The following HUS1 variants were observed in gnomAD, a reference collection of about 807,000 sequenced individuals.
HUS1 encodes checkpoint protein HUS1.
A neutral mutation model predicts 32.6 loss-of-function variants in HUS1; 31 were observed. The ratio of observed to expected loss-of-function variants is 0.95; its 90% CI spans 0.72 to 1.28. The LOEUF (loss-of-function observed/expected upper bound fraction) is 1.28. HUS1 is among the 50% of genes most tolerant of loss of function. The pLI is 0.00. For synonymous variants in HUS1, 123 were observed against 116.6 expected, an observed-to-expected ratio of 1.06 and a Z score of -0.36; for missense variants, 340 against 337.7, an observed-to-expected ratio of 1.01 and a Z score of -0.05.
chr7:47,979,384 T>C, intron 1 of HUS1, 84 bp downstream of exon 1: 1 of 1,378,096 alleles, frequency 7.3e-7, no homozygotes, highest in South Asian at 1.2e-5. Context: ...CCCATCCCCG[T>C]TCTGATCCTC....
intron 5 of HUS1, among the ~76,000 whole-genome samples, chr7:47,974,573 T>G (rs992462370): frequency 2.9e-4 from 41 of 140,290 alleles, no homozygotes; most frequent in Non-Finnish European, 5.4e-4. Context: ...AAAGGTGGCC[T>G]GGTACACTGT....
Position 47,970,220 on chromosome 7 carries a change from G to A in HUS1, c.541-902C>T, listed in dbSNP as rs192983422. Among the ~76,000 whole-genome samples the A allele has an allele frequency of 9.8e-5, 12 of 122,612 alleles. No homozygotes were observed. The East Asian group carries it at 3.0e-3, about 31-fold the overall frequency. The allele number at this position is 122,612 out of a possible 152,430, so 80.4% of individuals were successfully genotyped here. A position where few individuals can be genotyped will look rare whatever the true frequency, so the allele number is the denominator to read the frequency against. ...TGCACTCCAGCCTGGGTGAAAGAGC[G>A]AGACTCTGTCTCAAAAAAAAAAAAA... On this transcript the variant is annotated intron_variant, in intron 5 of 7. Coordinates refer to ENST00000258774, the MANE Select transcript of HUS1 (RefSeq NM_004507.4).
chr7:47,969,168 C>A, intron 6 of HUS1, 51 bp downstream of exon 6: 1 of 881,286 alleles, frequency 1.1e-6, no homozygotes. Flanking sequence ...GGTAGGTTAT[C>A]TGAAACAATT....
chr7:47,977,398 A>G (rs1406787828), intron 3 of HUS1, among the ~76,000 whole-genome samples: 2 of 152,238 alleles, frequency 1.3e-5, no homozygotes, highest in Non-Finnish European at 2.9e-5. Context: ...TCTAACAGTT[A>G]AAAGGCAAAC....
chr7:47,964,765 G>T lies in HUS1; in HGVS notation c.*591C>A, dbSNP rs1788440838. The T allele has an allele frequency of 6.6e-6, 1 of 152,388 alleles. No individual in the cohort carries two copies. Among genetic ancestry groups the T allele is most frequent in the East Asian group, 1.9e-4 (1 of 5,194 alleles). 9.4% of individuals were successfully genotyped at this position (152,388 alleles called of 1,614,324 possible). A position where few individuals can be genotyped will look rare whatever the true frequency, so the allele number is the denominator to read the frequency against. On this transcript the variant is annotated 3_prime_UTR_variant, in exon 8 of 8. Coordinates refer to ENST00000258774, the MANE Select transcript of HUS1 (RefSeq NM_004507.4). ...TGGGCCAGCTCTCTAGGCATCAAGA[G>T]GGGAGTGGACTCAGGTGGGCTTGAG...
intron 5 of HUS1, chr7:47,971,116 G>A (rs1458312497): frequency 1.8e-5 from 3 of 167,506 alleles, no homozygotes; most frequent in Admixed American, 6.2e-5. Flanking sequence ...AACAGGAAGG[G>A]GGAAAATGAG....
At position 47,965,403 on chromosome 7, in the gene HUS1, G is replaced by A. The variant is rs200372941; in HGVS notation, c.796C>T (p.Leu266Phe). Reference sequence around the variant, plus strand: ...TACTGAAGGGACACGTCTTCATGAAGCAGATCAAAATGCACCATCTTGTTA... The same window carrying A: ...TACTGAAGGGACACGTCTTCATGAAACAGATCAAAATGCACCATCTTGTTA... ...VNNKMVHFDL[L>F]HEDVSLQYFI... The change falls in exon 8 of 8, where the codon CTT becomes TTT. Residue 266 changes from leucine to phenylalanine, a missense_variant. Leu to Phe is a conservative substitution (Grantham distance 22). Coordinates refer to ENST00000258774, the MANE Select transcript of HUS1 (RefSeq NM_004507.4). 73 of 1,613,632 alleles carry A rather than the reference G, an allele frequency of 4.5e-5. No individual in the cohort carries two copies. The highest frequency in any genetic ancestry group is 5.6e-5 in the Non-Finnish European group (66 of 1,179,534).
chr7:47,973,020 TAGTG>T (rs1016606994), intron 5 of HUS1, among the ~76,000 whole-genome samples: 16 of 152,142 alleles, frequency 1.1e-4, no homozygotes, highest in Non-Finnish European at 1.5e-5. Context: ...GTTCTCTTGA[TAGTG>T]AGGGAGTTCT....
rs1390481039 is a variant in HUS1, at chr7:47,965,056, C to G, written c.*300G>C. The G allele has an allele frequency of 1.0e-5, 3 of 287,484 alleles. No individual in the cohort carries two copies. The highest frequency in any genetic ancestry group is 6.4e-5 in the African/African-American group (3 of 46,994). The allele number at this position is 287,484 out of a possible 1,614,324, so 17.8% of individuals were successfully genotyped here. The stretch of plus-strand genomic sequence containing the variant: ...CTGGCTACTACACCAAGTCTAAATA[C>G]ATGACGATTTTCACAACATCAATGA... On this transcript the variant is annotated 3_prime_UTR_variant, in exon 8 of 8. Coordinates refer to ENST00000258774, the MANE Select transcript of HUS1 (RefSeq NM_004507.4).
intron 5 of HUS1, among the ~76,000 whole-genome samples, chr7:47,969,752 C>CA (rs1242419118): frequency 4.0e-5 from 6 of 149,630 alleles, no homozygotes; most frequent in East Asian, 1.9e-4. Flanking sequence ...GCACCTTGGG[C>CA]AAAAAAAAGG....
At chr7:47,976,003 AG>A (rs1788696525) in intron 4 of HUS1, among the ~76,000 whole-genome samples, 1 of 152,172 alleles carries the variant, frequency 6.6e-6, no homozygotes, top group African/African-American at 2.4e-5. Context: ...ATATTGGTCC[AG>A]GGGGAATATA....
chr7:47,968,178 A>G (rs1488837022), intron 6 of HUS1, among the ~76,000 whole-genome samples: 3 of 152,172 alleles, frequency 2.0e-5, no homozygotes, highest in Non-Finnish European at 4.4e-5. Flanking sequence ...TCTTCAGGTC[A>G]AAGAAAATTT....
intron 3 of HUS1, 155 bp downstream of exon 3, chr7:47,978,262 G>T: frequency 3.3e-6 from 2 of 608,716 alleles, no homozygotes; most frequent in Non-Finnish European, 5.6e-6. Flanking sequence ...AGGAGGAACT[G>T]ACTCTAATGC....
chr7:47,978,643 G>A, intron 2 of HUS1, 46 bp downstream of exon 2: 1 of 1,612,620 alleles, frequency 6.2e-7, no homozygotes, highest in African/African-American at 1.3e-5. Context: ...GATCTTTCCA[G>A]TGACAATCTG....
At chr7:47,968,306 GA>G in intron 6 of HUS1, among the ~76,000 whole-genome samples, 1 of 151,788 alleles carries the variant, frequency 6.6e-6, no homozygotes, top group Admixed American at 6.6e-5. Context: ...CTACCTCTGA[GA>G]AAGTACCAAA....
chr7:47,965,224 TAGAG>T lies in HUS1; in HGVS notation c.*128_*131del, dbSNP rs1216689640. The T allele has an allele frequency of 4.9e-6, 3 of 608,350 alleles. No individual in the cohort carries two copies. The highest frequency in any genetic ancestry group is 1.8e-5 in the African/African-American group (1 of 55,076). The allele number at this position is 608,350 out of a possible 1,614,324, so 37.7% of individuals were successfully genotyped here. On this transcript the variant is annotated 3_prime_UTR_variant, in exon 8 of 8. Transcript: ENST00000258774. Reference sequence around the variant, plus strand: ...TTGAATCAACTTTTAGTTAAAATGTTAGAGAGGGACAAATAAGTACAGTGTGTCG... The same window carrying T: ...TTGAATCAACTTTTAGTTAAAATGTTAGGGACAAATAAGTACAGTGTGTCG...
rs1383042472 is a variant in HUS1 at position 47,978,463 on chromosome 7, T to C, written c.311A>G (p.Lys104Arg). 17 of 1,614,146 alleles carry C rather than the reference T, an allele frequency of 1.1e-5. No homozygotes were observed. Among genetic ancestry groups the C allele is most frequent in the Non-Finnish European group, 1.4e-5 (17 of 1,180,056 alleles). The change falls in exon 3 of 8, where the codon AAA becomes AGA. Residue 104 changes from lysine (K) to arginine (R), a missense_variant. Physicochemically the swap from Lys to Arg is conservative, Grantham distance 26. Coordinates refer to ENST00000258774, the MANE Select transcript of HUS1 (RefSeq NM_004507.4). ...GCAGGGAAAGTGTTTATTAGTCAGTTTGATTTTCAAAGCCCTGGCATTCTG... is the reference window on the plus strand; with the variant it reads ...GCAGGGAAAGTGTTTATTAGTCAGTCTGATTTTCAAAGCCCTGGCATTCTG... ...TAQNARALKIKLTNKHFPCLT... is the reference protein window; with the variant it reads ...TAQNARALKIRLTNKHFPCLT...
At chr7:47,978,966 C>A in intron 1 of HUS1, 150 bp from the exon 2 acceptor site, 1 of 702,604 alleles carries the variant, frequency 1.4e-6, no homozygotes, top group Non-Finnish European at 2.4e-6. Flanking sequence ...CTTTAATACC[C>A]CTGATGTCAC....
intron 5 of HUS1, chr7:47,971,349 G>A (rs184611297): frequency 4.3e-5 from 16 of 371,380 alleles, no homozygotes; most frequent in African/African-American, 1.7e-4. Flanking sequence ...AACTCCACAC[G>A]CCCAGGCTAC....
Sources: allele counts gnomAD v4.1 joint callset (sites outside exome capture counted in the v4.1 genomes callset), GRCh38; gene constraint gnomAD v4.1.1; transcripts MANE v1.5; gene names NCBI Gene and HGNC (gene_info 2026-07-23, HGNC 2026-07-21).